Variants in SLC38A9 observed in about 807,000 individuals in gnomAD.
The protein encoded by SLC38A9 is solute carrier family 38 member 9, also known as neutral amino acid transporter 9.
Under a neutral mutation model 62.3 loss-of-function variants are expected in SLC38A9, and 48 were observed. That is an observed-to-expected ratio of 0.77 (90% CI 0.61 to 0.98). SLC38A9 has a LOEUF of 0.98. Among genes scored for constraint, SLC38A9 ranks in the 50% least tolerant of loss-of-function variants. The pLI is 0.00. For missense variants in SLC38A9, 541 were observed against 679.8 expected, an observed-to-expected ratio of 0.80 and a Z score of 2.27; for synonymous variants, 204 against 227.7, an observed-to-expected ratio of 0.90 and a Z score of 0.94.
intron 3 of SLC38A9, among the ~76,000 whole-genome samples, chr5:55,676,400 A>G (rs750558868): frequency 3.9e-5 from 6 of 152,168 alleles, no homozygotes; most frequent in Admixed American, 1.3e-4. Flanking sequence ...GCTGGTCTCA[A>G]ACTTCTGGCA....
chr5:55,707,091 G>T (rs974962395), intron 2 of SLC38A9, among the ~76,000 whole-genome samples: 1 of 151,878 alleles, frequency 6.6e-6, no homozygotes, highest in Non-Finnish European at 1.5e-5. Flanking sequence ...CCAGCTGTGC[G>T]CCACTATGTT....
chr5:55,692,481 A>C (rs961638900), intron 3 of SLC38A9: 64 of 255,106 alleles, frequency 2.5e-4, no homozygotes, highest in African/African-American at 1.4e-3. Context: ...GAAGGTACTT[A>C]CATTTTTTCT....
chr5:55,710,906 C>T (rs1199277194), intron 2 of SLC38A9, among the ~76,000 whole-genome samples: 3 of 151,964 alleles, frequency 2.0e-5, no homozygotes, highest in Non-Finnish European at 2.9e-5. Flanking sequence ...GCGTGAGCCA[C>T]GGCACCTGGC....
rs1187342343 is a variant in SLC38A9 at position 55,627,934 on chromosome 5, C to T, written c.1477G>A (p.Val493Met). ...TTTGGGTAGAAACAGGCCATGATCA[C>T]TCCAGCTCCCACAATAATTAGATTA... The part of the protein sequence containing the change: ...ILNLIIVGAG[V>M]IMACFYPNIG... The change falls in exon 15 of 16, where the codon GTG (valine) becomes ATG (methionine). Residue 493 changes from valine (V) to methionine (M), a missense_variant. By Grantham distance (21) the Val-to-Met change is conservative. Coordinates refer to ENST00000396865, the MANE Select transcript of SLC38A9 (RefSeq NM_173514.4). 2.5e-6 allele frequency: 4 copies of T among 1,612,880 alleles called. No individual in the cohort carries two copies. In the African/African-American group the frequency reaches 5.3e-5, roughly 22 times the overall value.
Position 55,672,169 on chromosome 5 carries a change from G to A in SLC38A9, c.246+394C>T, listed in dbSNP as rs569640984. On this transcript the variant is annotated intron_variant, in intron 4 of 15. Coordinates refer to ENST00000396865, the MANE Select transcript of SLC38A9 (RefSeq NM_173514.4). ...GCTTGGCCAGTTTCCCATTCTTGTA[G>A]AAAATTTCTAAAAAAATATTTCCCT... Among the ~76,000 whole-genome samples the A allele has an allele frequency of 1.3e-3, 198 of 152,138 alleles. 1 individual carries two copies. Among genetic ancestry groups the A allele is most frequent in the Middle Eastern group, 0.01 (3 of 294 alleles).
chr5:55,700,270 G>C (rs928769218), intron 2 of SLC38A9, among the ~76,000 whole-genome samples: 3 of 151,624 alleles, frequency 2.0e-5, no homozygotes, highest in African/African-American at 7.3e-5. Context: ...GAACCAGGGA[G>C]GCAGAGGTTG....
At chr5:55,668,793 A>G (rs1750851964) in intron 7 of SLC38A9, among the ~76,000 whole-genome samples, 1 of 152,222 alleles carries the variant, frequency 6.6e-6, no homozygotes, top group African/African-American at 2.4e-5. Flanking sequence ...TCAAATATTC[A>G]TTACTAGGGA....
chr5:55,672,941 C>A, intron 3 of SLC38A9: 1 of 372,908 alleles, frequency 2.7e-6, no homozygotes, highest in East Asian at 4.2e-5. Flanking sequence ...AGGAATTTAG[C>A]AACCGAGAAG....
At chr5:55,655,078 A>C (rs1458689417) in intron 9 of SLC38A9, among the ~76,000 whole-genome samples, 1 of 152,102 alleles carries the variant, frequency 6.6e-6, no homozygotes, top group Non-Finnish European at 1.5e-5. Context: ...GGGCTCAAGC[A>C]ATCCTCCTGC....
chr5:55,652,549 A>C lies in SLC38A9; in HGVS notation c.932T>G (p.Phe311Cys), dbSNP rs1455774804. The C allele has an allele frequency of 6.2e-7, 1 of 1,601,564 alleles. No individual in the cohort carries two copies. The highest frequency in any genetic ancestry group is 8.5e-7 in the Non-Finnish European group (1 of 1,174,308). Residue 311 changes from phenylalanine (F) to cysteine (C), a missense_variant, in exon 10 of 16, where the codon TTT (phenylalanine) becomes TGT (cysteine). Coordinates refer to ENST00000396865, the MANE Select transcript of SLC38A9 (RefSeq NM_173514.4). ...PLLNFKSPSF[F>C]SKFNILGTVS... ...CTTACCTAGGATATTAAATTTTGAA[A>C]AAAATGAAGGAGACTTGAAATTGAG...
intron 3 of SLC38A9, among the ~76,000 whole-genome samples, chr5:55,690,635 A>G (rs1308403351): frequency 6.6e-6 from 1 of 152,192 alleles, no homozygotes; most frequent in African/African-American, 2.4e-5. Flanking sequence ...GAACATCTGT[A>G]TAATCCCAGC....
chr5:55,631,940 A>T (rs528683969), intron 14 of SLC38A9, among the ~76,000 whole-genome samples: 13 of 152,230 alleles, frequency 8.5e-5, no homozygotes, highest in African/African-American at 2.9e-4. Context: ...AATGACATAT[A>T]GAAATTTCTC....
chr5:55,696,706 C>CT (rs1755830912), intron 3 of SLC38A9: 2 of 118,850 alleles, frequency 1.7e-5, no homozygotes, highest in Admixed American at 8.3e-5. Context: ...GGGGCTGACC[C>CT]CCCCACCTCC....
intron 4 of SLC38A9, among the ~76,000 whole-genome samples, chr5:55,671,595 C>T (rs770993745): frequency 2.0e-5 from 3 of 151,218 alleles, no homozygotes; most frequent in East Asian, 1.9e-4. Flanking sequence ...CAGTGGCTCA[C>T]GCCTGTAATC....
At chr5:55,676,222 T>G (rs1051481055) in intron 3 of SLC38A9, among the ~76,000 whole-genome samples, 8 of 152,200 alleles carry the variant, frequency 5.3e-5, no homozygotes, top group Non-Finnish European at 8.8e-5. Context: ...TAGGCCAGAG[T>G]GCAGTGGCAT....
intron 3 of SLC38A9, among the ~76,000 whole-genome samples, chr5:55,686,582 C>T (rs11747726): frequency 0.6 from 91,117 of 151,892 alleles, 27,900 homozygotes; most frequent in South Asian, 0.7. Context: ...CTGTTTACTC[C>T]ATTGATAGTT....
At chr5:55,691,798 G>T (rs1218881253) in intron 3 of SLC38A9, among the ~76,000 whole-genome samples, 3 of 152,122 alleles carry the variant, frequency 2.0e-5, no homozygotes, top group African/African-American at 7.2e-5. Flanking sequence ...ACTGGTGGGG[G>T]AGGGGTATGC....
chr5:55,641,141 A>G (rs2150102815), intron 12 of SLC38A9, among the ~76,000 whole-genome samples: 1 of 152,330 alleles, frequency 6.6e-6, no homozygotes, highest in East Asian at 1.9e-4. Context: ...TGCCCGGCCA[A>G]CATCTTTTAA....
chr5:55,645,188 G>A (rs1395443335), intron 12 of SLC38A9, among the ~76,000 whole-genome samples: 3 of 152,258 alleles, frequency 2.0e-5, no homozygotes, highest in Non-Finnish European at 2.9e-5. Context: ...AGCCTCCCAA[G>A]TAGCTGGGAC....
Sources: allele counts gnomAD v4.1 joint callset (sites outside exome capture counted in the v4.1 genomes callset), GRCh38; gene constraint gnomAD v4.1.1; transcripts MANE v1.5; gene names NCBI Gene and HGNC (gene_info 2026-07-23, HGNC 2026-07-21).